The following SF3A3 variants were observed in gnomAD, a reference collection of about 807,000 sequenced individuals.
The protein encoded by SF3A3 is SAP 61.
A neutral mutation model predicts 85.8 loss-of-function variants in SF3A3; 9 were observed. The ratio of observed to expected loss-of-function variants is 0.10; its 90% confidence interval spans 0.06 to 0.18. SF3A3 has a LOEUF of 0.18. Ranked by LOEUF, SF3A3 falls within the 10% of genes least tolerant of loss-of-function variation. SF3A3 has a pLI of 1.00. For missense variants in SF3A3, 306 were observed against 593.3 expected (o/e 0.52, Z 5.03); for synonymous variants, 195 against 204.4 (o/e 0.95, Z 0.39).
chr1:37,987,677 A>G lies in SF3A3; in HGVS notation c.199T>C (p.Leu67=), dbSNP rs761361197. The G allele has an allele frequency of 9.3e-6, 15 of 1,613,782 alleles. No homozygotes were observed. In the South Asian group the frequency reaches 1.6e-4, roughly 18 times the overall value. Residue 67 remains leucine (L), a splice_region_variant and synonymous_variant, in exon 4 of 17, where the codon TTA becomes CTA. Transcript: ENST00000373019. ...ATGGCATTGAGCTCCTCCTTTCGTA[A>G]TCTGCAATTTCAGGAAAATTTCAAA... The part of the protein sequence containing the change: ...LRDLYDDKDG[L]RKEELNAISG...
In SF3A3 at chr1:37,979,516, G is replaced by C. The variant is rs1646402300; in HGVS notation, c.708C>G (p.Ala236=). The C allele has an allele frequency of 6.2e-7, 1 of 1,612,498 alleles. No individual in the cohort carries two copies. The highest frequency in any genetic ancestry group is 8.5e-7 in the Non-Finnish European group (1 of 1,178,710). ...FPGWPKETSS[A]LTHAGAHLDL... ...CAAGATGGGCTCCAGCATGGGTCAG[G>C]GCACTGCTTGTCTCTTTCTGGAAAG... The change falls in exon 9 of 17, where the codon GCC becomes GCG. Residue 236 remains alanine, a synonymous_variant. Transcript: ENST00000373019.
chr1:37,975,939 G>A (rs1375872465), intron 12 of SF3A3, among the ~76,000 whole-genome samples: 1 of 152,124 alleles, frequency 6.6e-6, no homozygotes, highest in African/African-American at 2.4e-5. Context: ...AGCGGATCAC[G>A]AGGTCAGGAT....
chr1:37,975,919 G>A (rs1646376669), intron 12 of SF3A3, among the ~76,000 whole-genome samples: 2 of 152,214 alleles, frequency 1.3e-5, no homozygotes, highest in Non-Finnish European at 2.9e-5. Context: ...CACTTTGGGA[G>A]GCCGAGGCAA....
intron 16 of SF3A3, among the ~76,000 whole-genome samples, chr1:37,959,851 G>A (rs1455430304): frequency 6.8e-6 from 1 of 147,760 alleles, no homozygotes; most frequent in African/African-American, 2.5e-5. Context: ...TCAGCTACTC[G>A]AGAGACAGAG....
rs530602423 is a variant in SF3A3, at chr1:37,989,766, G to C, written c.96+104C>G. The C allele has an allele frequency of 8.1e-6, 10 of 1,229,356 alleles. No individual in the cohort carries two copies. In the Admixed American group the frequency reaches 9.4e-5, roughly 12 times the overall value. The allele number at this position is 1,229,356 out of a possible 1,614,324, so 76.2% of individuals were successfully genotyped here. A position where few individuals can be genotyped will look rare whatever the true frequency, so the allele number is the denominator to read the frequency against. ...AGACCGGAGCTCGGAGAGGGAGCCC[G>C]GAGGAAGGCAGGGAGGTTCTGAGGG... is the stretch of plus-strand genomic sequence containing the variant. On this transcript the variant is annotated intron_variant, in intron 1 of 16. Coordinates refer to ENST00000373019, the MANE Select transcript of SF3A3 (RefSeq NM_006802.4).
intron 12 of SF3A3, among the ~76,000 whole-genome samples, chr1:37,974,915 CTT>C (rs1646369563): frequency 6.6e-6 from 1 of 152,130 alleles, no homozygotes; most frequent in South Asian, 2.1e-4. Context: ...CTACCAGAAA[CTT>C]TTTCTTCTCC....
At chr1:37,979,662 G>A (rs1382149016) in intron 8 of SF3A3, 129 bp from the exon 9 acceptor site, 7 of 576,508 alleles carry the variant, frequency 1.2e-5, no homozygotes, top group Admixed American at 8.8e-5. Flanking sequence ...TAGAGACCAG[G>A]CAGGGAAACA....
At chr1:37,970,372 A>T (rs2148718444) in intron 12 of SF3A3, among the ~76,000 whole-genome samples, 1 of 152,076 alleles carries the variant, frequency 6.6e-6, no homozygotes, top group South Asian at 2.1e-4. Flanking sequence ...GTCCTCAGAG[A>T]CCTACAAAGA....
chr1:37,963,583 G>A (rs1646277383), intron 15 of SF3A3, among the ~76,000 whole-genome samples: 1 of 150,510 alleles, frequency 6.6e-6, no homozygotes, highest in Non-Finnish European at 1.5e-5. Flanking sequence ...TTGAGACAGA[G>A]TCTCACTCTG....
intron 12 of SF3A3, among the ~76,000 whole-genome samples, chr1:37,970,218 C>T (rs1035743252): frequency 6.6e-6 from 1 of 151,034 alleles, no homozygotes. Flanking sequence ...GTTAGGAGGA[C>T]TGCTTGAGCC....
chr1:37,964,286 T>C (rs1646283495), intron 15 of SF3A3, among the ~76,000 whole-genome samples: 3 of 152,086 alleles, frequency 2.0e-5, no homozygotes, highest in Admixed American at 2.0e-4. Context: ...ATAAGTGTGA[T>C]TTCAAAGAAG....
At chr1:37,989,451 CTT>C in intron 2 of SF3A3, 95 bp downstream of exon 2, 2 of 1,360,978 alleles carry the variant, frequency 1.5e-6, no homozygotes, top group Non-Finnish European at 2.0e-6. Context: ...ATCCGGTTAC[CTT>C]TGGCCAGGGA....
At chr1:37,988,460 G>T (rs1646470341) in intron 2 of SF3A3, among the ~76,000 whole-genome samples, 1 of 152,124 alleles carries the variant, frequency 6.6e-6, no homozygotes, top group African/African-American at 2.4e-5. Context: ...TTTACCAAGT[G>T]GGATAAATTA....
At chr1:37,961,836 C>T (rs1259744283) in intron 15 of SF3A3, among the ~76,000 whole-genome samples, 1 of 145,464 alleles carries the variant, frequency 6.9e-6, no homozygotes, top group Non-Finnish European at 1.5e-5. Flanking sequence ...AATCCCAGCA[C>T]TTTGGGAGGC....
At chr1:37,988,592 A>C (rs1015560738) in intron 2 of SF3A3, among the ~76,000 whole-genome samples, 2 of 152,148 alleles carry the variant, frequency 1.3e-5, no homozygotes, top group Non-Finnish European at 2.9e-5. Flanking sequence ...TTTTCAGAGT[A>C]TTTTGGGGCT....
chr1:37,970,429 T>A (rs1646330527), intron 12 of SF3A3, among the ~76,000 whole-genome samples: 1 of 152,014 alleles, frequency 6.6e-6, no homozygotes, highest in East Asian at 1.9e-4. Context: ...AACACCCCAC[T>A]GTCAACATTA....
At chr1:37,972,272 TA>T (rs1557750564) in intron 12 of SF3A3, among the ~76,000 whole-genome samples, 2 of 152,164 alleles carry the variant, frequency 1.3e-5, no homozygotes, top group South Asian at 4.2e-4. Context: ...TCAAAGAGAA[TA>T]AAATACCTAG....
At position 37,989,825 on chromosome 1, in the gene SF3A3, A is replaced by G. The variant is rs60852210; in HGVS notation, c.96+45T>C. On this transcript the variant is annotated intron_variant, in intron 1 of 16. Coordinates refer to ENST00000373019, the MANE Select transcript of SF3A3 (RefSeq NM_006802.4). ...AGCTCTCAGAGGTCAAACACGGGAT[A>G]GAGGCTCGTGCTCCTGCCGCAGCCT... 3,811 of 1,473,470 alleles carry G rather than the reference A, an allele frequency of 2.6e-3. 96 individuals are homozygous for G. The African/African-American group carries it at 0.046, about 18-fold the overall frequency. 91.3% of individuals were successfully genotyped at this position (1,473,470 alleles called of 1,614,324 possible).
At chr1:37,978,954 A>C (rs1224927290) in intron 10 of SF3A3, 34 bp downstream of exon 10, 1 of 1,593,566 alleles carries the variant, frequency 6.3e-7, no homozygotes, top group African/African-American at 1.3e-5. Context: ...ACACACAGTA[A>C]ATCGATAGTT....
Sources: allele counts gnomAD v4.1 joint callset (sites outside exome capture counted in the v4.1 genomes callset), GRCh38; gene constraint gnomAD v4.1.1; transcripts MANE v1.5; gene names NCBI Gene and HGNC (gene_info 2026-07-23, HGNC 2026-07-21).